Variants in EPHA6 observed in about 807,000 individuals in gnomAD.
EPHA6 encodes the protein EPH receptor A6.
Under a neutral mutation model 112.0 loss-of-function variants are expected in EPHA6, and 50 were observed. That is an observed-to-expected ratio of 0.45 (90% CI 0.36 to 0.56). The LOEUF (loss-of-function observed/expected upper bound fraction) is 0.56. Ranked by LOEUF, EPHA6 falls within the 20% of genes least tolerant of loss-of-function variation. The pLI, the probability that EPHA6 is intolerant of heterozygous loss-of-function variation, is 0.00. For missense variants in EPHA6, 1,280 were observed against 1,417.4 expected, an observed-to-expected ratio of 0.90 and a Z score of 1.56; for synonymous variants, 529 against 490.7, an observed-to-expected ratio of 1.08 and a Z score of -1.03.
At chr3:97,349,988 T>C (rs2083725991) in intron 5 of EPHA6, among the ~76,000 whole-genome samples, 1 of 151,660 alleles carries the variant, frequency 6.6e-6, no homozygotes, top group Non-Finnish European at 1.5e-5. Flanking sequence ...CAGTTTTTGG[T>C]CTAAGAGGAC....
intron 2 of EPHA6, among the ~76,000 whole-genome samples, chr3:96,938,626 C>T (rs1420514722): frequency 6.6e-6 from 1 of 151,682 alleles, no homozygotes; most frequent in East Asian, 1.9e-4. Context: ...ATTGCCCTGG[C>T]CAGAACTTCC....
intron 6 of EPHA6, among the ~76,000 whole-genome samples, chr3:97,432,777 G>A (rs1405606404): frequency 1.3e-5 from 2 of 152,090 alleles, no homozygotes; most frequent in African/African-American, 2.4e-5. Context: ...AGCCAGAAGC[G>A]AATGGGTAAG....
intron 14 of EPHA6, among the ~76,000 whole-genome samples, chr3:97,663,346 T>A (rs1296508930): frequency 1.3e-5 from 2 of 152,068 alleles, no homozygotes; most frequent in East Asian, 3.9e-4. Context: ...TATACTTTTT[T>A]TATTATACTT....
chr3:97,600,619 C>T (rs1234952282), intron 12 of EPHA6, among the ~76,000 whole-genome samples: 1 of 152,068 alleles, frequency 6.6e-6, no homozygotes, highest in African/African-American at 2.4e-5. Context: ...GCTCTACTCT[C>T]TTCCCCAAGA....
intron 2 of EPHA6, among the ~76,000 whole-genome samples, chr3:96,944,317 A>G (rs1437025344): frequency 6.6e-6 from 1 of 151,812 alleles, no homozygotes; most frequent in South Asian, 2.1e-4. Flanking sequence ...TATCACTTAT[A>G]TATTTCCCTT....
intron 11 of EPHA6, among the ~76,000 whole-genome samples, chr3:97,556,241 G>T (rs112765151): frequency 1.3e-5 from 2 of 151,972 alleles, no homozygotes; most frequent in East Asian, 1.9e-4. Context: ...GTGCTTCCTC[G>T]TGTGACCCTT....
chr3:97,201,640 G>C (rs747556620), intron 3 of EPHA6, among the ~76,000 whole-genome samples: 10 of 152,102 alleles, frequency 6.6e-5, no homozygotes, highest in Non-Finnish European at 4.4e-5. Flanking sequence ...TTATCCATTT[G>C]TTAACATTTG....
intron 3 of EPHA6, among the ~76,000 whole-genome samples, chr3:97,154,608 T>C (rs1287976436): frequency 3.9e-5 from 6 of 152,286 alleles, no homozygotes; most frequent in Non-Finnish European, 7.4e-5. Flanking sequence ...TTTGTACCCT[T>C]TGTCCAGCAT....
intron 14 of EPHA6, among the ~76,000 whole-genome samples, chr3:97,709,612 G>T (rs1437445396): frequency 6.6e-6 from 1 of 152,176 alleles, no homozygotes; most frequent in African/African-American, 2.4e-5. Flanking sequence ...AATGTGAAAA[G>T]GACATGAGAT....
chr3:97,544,137 G>T (rs142514836), intron 11 of EPHA6, among the ~76,000 whole-genome samples: 7,341 of 152,198 alleles, frequency 0.048, 248 homozygotes, highest in Middle Eastern at 0.075. Flanking sequence ...TATTGAATAG[G>T]AGTGGTGAGA....
chr3:97,743,811 AT>A (rs2035604344), intron 16 of EPHA6, among the ~76,000 whole-genome samples: 1 of 152,046 alleles, frequency 6.6e-6, no homozygotes, highest in Non-Finnish European at 1.5e-5. Context: ...TTCTTGAATC[AT>A]TTTAGTATGT....
chr3:97,635,213 A>G (rs79135688), intron 13 of EPHA6, among the ~76,000 whole-genome samples: 2,472 of 152,212 alleles, frequency 0.016, 53 homozygotes, highest in African/African-American at 0.056. Context: ...AGTCCTATAA[A>G]AGAACATAAA....
At position 97,670,091 on chromosome 3, in the gene EPHA6, A is replaced by G. The variant is rs183411148; in HGVS notation, c.2784+32009A>G. Among the ~76,000 whole-genome samples, 450 of 152,314 alleles carry G rather than the reference A, an allele frequency of 3.0e-3. 1 individual carries two copies. Among genetic ancestry groups the G allele is most frequent in the Middle Eastern group, 0.02 (6 of 294 alleles). ...AAAAAAATTATTTCTTCTATAGATA[A>G]TGAAGACTTAGCTATAATATCCACC... On this transcript the variant is annotated intron_variant, in intron 14 of 17. Coordinates refer to ENST00000389672, the MANE Select transcript of EPHA6 (RefSeq NM_001080448.3).
intron 1 of EPHA6, among the ~76,000 whole-genome samples, chr3:96,830,013 T>A (rs2033952991): frequency 6.6e-6 from 1 of 151,108 alleles, no homozygotes; most frequent in Non-Finnish European, 1.5e-5. Context: ...ATTTGCTCCA[T>A]AAACTTAAGT....
chr3:97,456,233 C>T (rs1472788465), intron 7 of EPHA6, among the ~76,000 whole-genome samples: 1 of 151,974 alleles, frequency 6.6e-6, no homozygotes, highest in Non-Finnish European at 1.5e-5. Context: ...GATCAGGGAA[C>T]ATTTCTTTTG....
intron 15 of EPHA6, among the ~76,000 whole-genome samples, chr3:97,728,212 G>T (rs1353190434): frequency 6.6e-6 from 1 of 151,746 alleles, no homozygotes; most frequent in Admixed American, 6.6e-5. Context: ...GTATTATTTA[G>T]AGTTGTCTAC....
chr3:97,569,980 T>A (rs2093315544), intron 11 of EPHA6: 1 of 152,208 alleles, frequency 6.6e-6, no homozygotes, highest in East Asian at 1.9e-4. Context: ...GATTCAAACC[T>A]TGTTGAATTT....
chr3:97,575,532 G>A (rs2093374643), intron 11 of EPHA6, among the ~76,000 whole-genome samples: 1 of 152,094 alleles, frequency 6.6e-6, no homozygotes, highest in African/African-American at 2.4e-5. Context: ...AAACATCTGA[G>A]AGGTTACACA....
chr3:96,823,015 T>C (rs1406819480), intron 1 of EPHA6, among the ~76,000 whole-genome samples: 1 of 151,686 alleles, frequency 6.6e-6, no homozygotes, highest in East Asian at 1.9e-4. Context: ...AAAAGTTTCA[T>C]TAATATATAT....
Sources: allele counts gnomAD v4.1 joint callset (sites outside exome capture counted in the v4.1 genomes callset), GRCh38; gene constraint gnomAD v4.1.1; transcripts MANE v1.5; gene names NCBI Gene and HGNC (gene_info 2026-07-23, HGNC 2026-07-21).